The following ATP10B variants were observed in gnomAD, a reference collection of about 807,000 sequenced individuals.
ATP10B encodes ATPase phospholipid transporting 10B (putative), also known as phospholipid-transporting ATPase VB.
A neutral mutation model predicts 141.2 loss-of-function variants in ATP10B; 122 were observed. The ratio of observed to expected loss-of-function variants is 0.86; its 90% confidence interval spans 0.75 to 1.00. ATP10B has a LOEUF of 1.00. Among genes scored for constraint, ATP10B ranks in the 50% least tolerant of loss-of-function variants. ATP10B has a pLI of 0.00. For synonymous variants in ATP10B, 685 were observed against 692.0 expected, an observed-to-expected ratio of 0.99 and a Z score of 0.16; for missense variants, 1,876 against 1,825.3, an observed-to-expected ratio of 1.03 and a Z score of -0.51.
intron 2 of ATP10B, among the ~76,000 whole-genome samples, chr5:160,766,512 T>C (rs1318872663): frequency 1.3e-5 from 2 of 152,160 alleles, no homozygotes; most frequent in Admixed American, 6.6e-5. Context: ...AAATGTTGTA[T>C]GTTCTCACTT....
chr5:160,840,830 C>A (rs149755066), intron 1 of ATP10B, among the ~76,000 whole-genome samples: 4 of 151,900 alleles, frequency 2.6e-5, no homozygotes, highest in Admixed American at 1.3e-4. Flanking sequence ...TAAGCATGGG[C>A]CTTGAACATA....
chr5:160,849,992 G>C (rs903726351), intron 1 of ATP10B, among the ~76,000 whole-genome samples: 3 of 152,172 alleles, frequency 2.0e-5, no homozygotes, highest in Non-Finnish European at 2.9e-5. Context: ...TTTAAGGAGA[G>C]TGGGTAAATG....
chr5:160,902,417 TC>T, the ATP10B span, among the ~76,000 whole-genome samples: 18 of 152,270 alleles, frequency 1.2e-4, no homozygotes, highest in Admixed American at 8.5e-4. Context: ...AAGTTCAGGG[TC>T]CCTAATTATG....
intron 13 of ATP10B, among the ~76,000 whole-genome samples, chr5:160,630,304 GT>G (rs1758851963): frequency 6.6e-6 from 1 of 152,172 alleles, no homozygotes; most frequent in African/African-American, 2.4e-5. Context: ...TAGCTCTGGG[GT>G]TAGTGTGTCC....
the ATP10B span, among the ~76,000 whole-genome samples, chr5:160,867,637 T>A: frequency 6.6e-6 from 1 of 152,136 alleles, no homozygotes; most frequent in Admixed American, 6.6e-5. Flanking sequence ...GGAGGATAAA[T>A]GACCAATGTT....
chr5:160,865,636 G>A, the ATP10B span, among the ~76,000 whole-genome samples: 1 of 151,856 alleles, frequency 6.6e-6, no homozygotes, highest in Non-Finnish European at 1.5e-5. Context: ...AGTAAACAGA[G>A]AACCCATAGA....
the ATP10B span, among the ~76,000 whole-genome samples, chr5:160,879,287 C>G: frequency 1.5e-5 from 1 of 65,386 alleles, no homozygotes; most frequent in Non-Finnish European, 3.1e-5. Context: ...ATCGCAAGAA[C>G]AAAAAACCAA....
At chr5:160,832,856 C>A (rs576617969) in intron 1 of ATP10B, among the ~76,000 whole-genome samples, 3 of 152,176 alleles carry the variant, frequency 2.0e-5, no homozygotes, top group Non-Finnish European at 4.4e-5. Flanking sequence ...GAGAAACAAG[C>A]CCAATTTTTA....
the ATP10B span, among the ~76,000 whole-genome samples, chr5:160,908,202 T>C: frequency 6.6e-6 from 1 of 152,264 alleles, no homozygotes; most frequent in African/African-American, 2.4e-5. Context: ...AAAGAGGAAA[T>C]GACATCTACA....
At chr5:160,815,660 G>A (rs979726242) in intron 1 of ATP10B, among the ~76,000 whole-genome samples, 15 of 152,038 alleles carry the variant, frequency 9.9e-5, no homozygotes, top group Non-Finnish European at 2.1e-4. Context: ...TGCACCAAGT[G>A]GACCTAATAG....
intron 7 of ATP10B, among the ~76,000 whole-genome samples, chr5:160,669,918 T>TAAAAAAAAAAAA (rs776037475): frequency 1.1e-5 from 1 of 89,662 alleles, no homozygotes; most frequent in Admixed American, 1.2e-4. Flanking sequence ...CCCAGTCTCT[T>TAAAAAAAAAAAA]AAAAAAAAAA....
the ATP10B span, among the ~76,000 whole-genome samples, chr5:160,867,663 G>A: frequency 6.6e-6 from 1 of 152,174 alleles, no homozygotes; most frequent in East Asian, 1.9e-4. Context: ...ACATTCACCA[G>A]AATTATAGTT....
At chr5:160,881,760 G>A in the ATP10B span, among the ~76,000 whole-genome samples, 1 of 152,066 alleles carries the variant, frequency 6.6e-6, no homozygotes. Context: ...GCAGTGAGAG[G>A]AGATGGCGCC....
chr5:160,703,049 C>G (rs1764768546), intron 3 of ATP10B, among the ~76,000 whole-genome samples: 1 of 152,058 alleles, frequency 6.6e-6, no homozygotes, highest in Non-Finnish European at 1.5e-5. Flanking sequence ...TCTGCAGAAG[C>G]AAATTTGTTC....
chr5:160,919,791 G>C, the ATP10B span, among the ~76,000 whole-genome samples: 1 of 152,116 alleles, frequency 6.6e-6, no homozygotes, highest in East Asian at 1.9e-4. Flanking sequence ...CAGCCATCTC[G>C]GGTCGCTAAC....
Position 160,819,924 on chromosome 5 carries a change from A to G in ATP10B, c.-576+32017T>C, listed in dbSNP as rs1420821776. On this transcript the variant is annotated intron_variant, in intron 1 of 25. Transcript: ENST00000327245. ...ATAAGTTCCTACATTAAAAAAGAAG[A>G]AAGACTTCAAATCAACAATCTAACA... Among the ~76,000 whole-genome samples the G allele has an allele frequency of 3.3e-5, 5 of 152,066 alleles. No homozygotes were observed. In the East Asian group the frequency reaches 7.7e-4, roughly 23 times the overall value.
chr5:160,719,383 G>T (rs1017032667), intron 2 of ATP10B, among the ~76,000 whole-genome samples: 1 of 152,254 alleles, frequency 6.6e-6, no homozygotes, highest in Non-Finnish European at 1.5e-5. Context: ...CTGGGCAACA[G>T]AGGGAGACTC....
chr5:160,573,604 G>A (rs1176597500), intron 24 of ATP10B, among the ~76,000 whole-genome samples: 2 of 152,156 alleles, frequency 1.3e-5, no homozygotes, highest in African/African-American at 4.8e-5. Context: ...TCTCATAGGA[G>A]CACGAGAACT....
At chr5:160,862,856 C>T in the ATP10B span, among the ~76,000 whole-genome samples, 1 of 151,868 alleles carries the variant, frequency 6.6e-6, no homozygotes, top group Admixed American at 6.6e-5. Flanking sequence ...TCCTTGGAAA[C>T]AGACCATAGG....
Sources: gnomAD v4.1 joint callset for allele counts (sites outside exome capture counted in the v4.1 genomes callset) on GRCh38, gnomAD v4.1.1 for gene constraint, MANE v1.5 for transcripts, NCBI Gene and HGNC (gene_info 2026-07-23, HGNC 2026-07-21) for gene names.